Variants in RGS7 observed in about 807,000 individuals in gnomAD.
RGS7 encodes regulator of G-protein signaling 7.
Under a neutral mutation model 81.1 loss-of-function variants are expected in RGS7, and 27 were observed. That is an observed-to-expected ratio of 0.33 (90% CI 0.25 to 0.46). The LOEUF is 0.46. Ranked by LOEUF, RGS7 falls within the 20% of genes least tolerant of loss-of-function variation. RGS7 has a pLI of 1.00. For missense variants in RGS7, 396 were observed against 607.4 expected (o/e 0.65, Z 3.66); for synonymous variants, 208 against 207.7 (o/e 1.00, Z -0.01).
intron 2 of RGS7, among the ~76,000 whole-genome samples, chr1:241,310,390 TGTGA>T (rs978620398): frequency 5.7e-4 from 86 of 151,166 alleles, no homozygotes; most frequent in African/African-American, 2.0e-3. Flanking sequence ...TGAGTGTGCG[TGTGA>T]GTGTGTTTGT....
At chr1:241,014,916 A>G (rs1045410316) in intron 3 of RGS7, among the ~76,000 whole-genome samples, 2 of 152,200 alleles carry the variant, frequency 1.3e-5, no homozygotes, top group Non-Finnish European at 2.9e-5. Context: ...ATTCTCCATC[A>G]CTTACATCAA....
intron 5 of RGS7, among the ~76,000 whole-genome samples, chr1:240,935,145 G>A (rs77117193): frequency 0.056 from 8,492 of 151,452 alleles, 321 homozygotes; most frequent in African/African-American, 0.1. Context: ...GTGATAGCCC[G>A]CCCTGGCCTC....
At chr1:241,111,468 G>A (rs916331798) in intron 2 of RGS7, among the ~76,000 whole-genome samples, 6 of 152,012 alleles carry the variant, frequency 3.9e-5, no homozygotes, top group African/African-American at 1.4e-4. Context: ...TGTCTGCCCC[G>A]CTTGATATTT....
intron 2 of RGS7, among the ~76,000 whole-genome samples, chr1:241,232,396 G>A (rs1047684756): frequency 7.3e-5 from 11 of 151,714 alleles, no homozygotes; most frequent in Admixed American, 2.6e-4. Context: ...TTGGAGAGAA[G>A]GGATCTCATT....
chr1:240,868,589 C>CG lies in RGS7; in HGVS notation c.606dup (p.Val203ArgfsTer9). On this transcript the variant is annotated frameshift_variant, in exon 9 of 19. Coordinates refer to ENST00000440928, the MANE Select transcript of RGS7 (RefSeq NM_001364886.1). LOFTEE classifies it high-confidence loss of function. This position sits in a 1 kb window ranked among gnomAD's most constrained non-coding sequence, Gnocchi z 5.1. ...ACGAGAGTGCGACGCTTGCTTACCA[C>CG]GGGCCTGTGCACGTCCCAGAACGCT... 1 of 1,613,974 alleles carries CG rather than the reference C, an allele frequency of 6.2e-7. No individual in the cohort carries two copies. The highest frequency in any genetic ancestry group is 8.5e-7 in the Non-Finnish European group (1 of 1,179,860).
At chr1:240,893,032 A>C (rs2148153599) in intron 6 of RGS7, among the ~76,000 whole-genome samples, 1 of 152,294 alleles carries the variant, frequency 6.6e-6, no homozygotes, top group South Asian at 2.1e-4. Flanking sequence ...ATATCTAGTT[A>C]AGTGATAAAT....
chr1:240,822,906 T>C, intron 10 of RGS7: 1 of 401,988 alleles, frequency 2.5e-6, no homozygotes. Flanking sequence ...AAGATGAGGC[T>C]GGATAGTAAT....
At chr1:240,800,420 A>C (rs1235615908) in intron 18 of RGS7, among the ~76,000 whole-genome samples, 1 of 152,172 alleles carries the variant, frequency 6.6e-6, no homozygotes, top group Non-Finnish European at 1.5e-5. Flanking sequence ...ACAAGTAGAA[A>C]TGAGTAACAT....
At chr1:241,312,089 A>C (rs2080569455) in intron 2 of RGS7, among the ~76,000 whole-genome samples, 1 of 152,240 alleles carries the variant, frequency 6.6e-6, no homozygotes, top group South Asian at 2.1e-4. Flanking sequence ...TAACCAGTAG[A>C]TTACCAAATA....
At chr1:241,291,265 C>G (rs2079072112) in intron 2 of RGS7, among the ~76,000 whole-genome samples, 1 of 152,120 alleles carries the variant, frequency 6.6e-6, no homozygotes, top group Non-Finnish European at 1.5e-5. Context: ...TTAAATGGGT[C>G]TCAGAGAATT....
intron 2 of RGS7, among the ~76,000 whole-genome samples, chr1:241,128,805 C>G (rs1284362647): frequency 3.0e-5 from 4 of 132,372 alleles, no homozygotes; most frequent in Middle Eastern, 5.0e-3. Flanking sequence ...AAAAACTCTT[C>G]AGAGGAATAA....
intron 3 of RGS7, among the ~76,000 whole-genome samples, chr1:241,020,774 T>A (rs931032410): frequency 6.6e-6 from 1 of 152,218 alleles, no homozygotes; most frequent in Non-Finnish European, 1.5e-5. Context: ...GAGTAGTGTT[T>A]TAATTTCTTT....
At chr1:241,196,965 T>C (rs1442317624) in intron 2 of RGS7, among the ~76,000 whole-genome samples, 1 of 95,984 alleles carries the variant, frequency 1.0e-5, no homozygotes, top group East Asian at 2.9e-4. Context: ...GAAAAATAAA[T>C]AATACTGAAT....
intron 2 of RGS7, among the ~76,000 whole-genome samples, chr1:241,177,402 C>T (rs188947773): frequency 2.0e-5 from 3 of 151,930 alleles, no homozygotes; most frequent in East Asian, 1.9e-4. Flanking sequence ...GAGCCTGGAG[C>T]GTAGACAGGG....
intron 3 of RGS7, among the ~76,000 whole-genome samples, chr1:240,984,630 T>C (rs1380012885): frequency 2.0e-5 from 3 of 152,210 alleles, no homozygotes; most frequent in Non-Finnish European, 4.4e-5. Context: ...GTGAATTGTT[T>C]GCATACATAG....
intron 6 of RGS7, among the ~76,000 whole-genome samples, chr1:240,906,251 T>C (rs1322062461): frequency 6.6e-6 from 1 of 152,206 alleles, no homozygotes; most frequent in Non-Finnish European, 1.5e-5. Context: ...GTGCTTTGGA[T>C]AGCCCACACA....
chr1:241,070,371 A>T lies in RGS7; in HGVS notation c.175+28295T>A, dbSNP rs542406836. On this transcript the variant is annotated intron_variant, in intron 3 of 18. Transcript: ENST00000440928. ...AGCCAAGAAGTCATTCGATTATGCT[A>T]AACAAAATCAATTCATTTATGACTT... 8.2e-4 allele frequency among the ~76,000 whole-genome samples: 123 copies of T among 150,282 alleles called. 2 individuals carry two copies. The highest frequency in any genetic ancestry group is 2.9e-3 in the African/African-American group (120 of 41,024).
intron 3 of RGS7, among the ~76,000 whole-genome samples, chr1:241,085,658 T>A (rs142344322): frequency 1.4e-3 from 209 of 152,246 alleles, no homozygotes; most frequent in African/African-American, 4.6e-3. Context: ...GGTCTCGAAC[T>A]CCTGACCTCA....
intron 2 of RGS7, among the ~76,000 whole-genome samples, chr1:241,205,847 G>A (rs985073750): frequency 1.3e-5 from 2 of 152,132 alleles, no homozygotes; most frequent in Non-Finnish European, 2.9e-5. Context: ...TAATGAGAGA[G>A]AACAAAGGGT....
Sources: allele counts gnomAD v4.1 joint callset (sites outside exome capture counted in the v4.1 genomes callset), GRCh38; gene constraint gnomAD v4.1.1; non-coding constraint Gnocchi (gnomAD v3.1); transcripts MANE v1.5; gene names NCBI Gene and HGNC (gene_info 2026-07-23, HGNC 2026-07-21).